The following C8orf74 variants were observed in gnomAD, a reference collection of about 807,000 sequenced individuals.
C8orf74 encodes the protein uncharacterized protein C8orf74.
A neutral mutation model predicts 22.2 loss-of-function variants in C8orf74; 29 were observed. That is an observed-to-expected ratio of 1.31 (90% CI 0.97 to 1.78). The LOEUF (loss-of-function observed/expected upper bound fraction) is 1.78. Ranked by LOEUF, C8orf74 falls within the 40% of genes most tolerant of loss-of-function variation. C8orf74 has a pLI of 0.00. For synonymous variants in C8orf74, 255 were observed against 163.1 expected, an observed-to-expected ratio of 1.56 and a Z score of -4.30; for missense variants, 515 against 369.9, an observed-to-expected ratio of 1.39 and a Z score of -3.22.
intron 2 of C8orf74, among the ~76,000 whole-genome samples, chr8:10,684,722 G>T (rs560204960): frequency 7.5e-4 from 114 of 152,300 alleles, no homozygotes; most frequent in African/African-American, 2.7e-3. Context: ...TTCTTACGTA[G>T]TTCTTAGAAA....
intron 2 of C8orf74, among the ~76,000 whole-genome samples, chr8:10,693,571 C>A (rs1056816383): frequency 3.9e-5 from 6 of 152,230 alleles, no homozygotes; most frequent in African/African-American, 1.4e-4. Context: ...CTCCTGTACA[C>A]AAATCCCAAT....
chr8:10,687,318 T>C (rs948517874), intron 2 of C8orf74: 3 of 323,566 alleles, frequency 9.3e-6, no homozygotes, highest in Middle Eastern at 4.1e-4. Context: ...AATCAATATA[T>C]GCAATGGTTT....
Position 10,678,058 on chromosome 8 carries a change from G to A in C8orf74, c.241+3220G>A, listed in dbSNP as rs182659769. On this transcript the variant is annotated intron_variant, in intron 2 of 3. Coordinates refer to ENST00000304519, the MANE Select transcript of C8orf74 (RefSeq NM_001040032.2). ...TCTCACTTTCGTATCATCTGAAAGC[G>A]TGTGAGGCATGGTTAATACAAACAT... is the stretch of plus-strand genomic sequence containing the variant. Among the ~76,000 whole-genome samples the A allele has an allele frequency of 3.7e-4, 57 of 152,270 alleles. 1 individual carries two copies. In the East Asian group the frequency reaches 0.01, roughly 28 times the overall value.
At chr8:10,690,071 T>A (rs972959877) in intron 2 of C8orf74, among the ~76,000 whole-genome samples, 1 of 152,140 alleles carries the variant, frequency 6.6e-6, no homozygotes, top group Non-Finnish European at 1.5e-5. Flanking sequence ...ATGTGACCAA[T>A]GGGGCTGGAG....
At chr8:10,681,376 C>T (rs182937002) in intron 2 of C8orf74, among the ~76,000 whole-genome samples, 296 of 152,258 alleles carry the variant, frequency 1.9e-3, no homozygotes, top group Admixed American at 4.8e-3. Flanking sequence ...CACAGAGGGG[C>T]GGGAGTCTTC....
rs1390305255 is a variant in C8orf74 at position 10,697,615 on chromosome 8, G to A, written c.258G>A (p.Glu86=). The change falls in exon 3 of 4, where the codon GAG becomes GAA. Residue 86 remains glutamate, a synonymous_variant. Transcript: ENST00000304519. Reference sequence around the variant, plus strand: ...TGCCTACAGGCTGCTCCATTACTGAGGCTGTGACGATCCTGGGGAACAAGC... The same window carrying A: ...TGCCTACAGGCTGCTCCATTACTGAAGCTGTGACGATCCTGGGGAACAAGC... The part of the protein sequence containing the change: ...LRETKGCSIT[E]AVTILGNKLR... The A allele has an allele frequency of 1.1e-5, 18 of 1,613,676 alleles. No homozygotes were observed. Among genetic ancestry groups the A allele is most frequent in the Non-Finnish European group, 1.5e-5 (18 of 1,179,806 alleles).
chr8:10,675,749 C>T (rs1273432623), intron 2 of C8orf74: 1 of 152,196 alleles, frequency 6.6e-6, no homozygotes, highest in Admixed American at 6.5e-5. Flanking sequence ...TGGCCCGAAT[C>T]TAATCAAGAG....
chr8:10,674,177 G>C (rs1489897007), intron 1 of C8orf74, among the ~76,000 whole-genome samples: 27 of 63,390 alleles, frequency 4.3e-4, no homozygotes, highest in African/African-American at 1.3e-3. Context: ...CCATATCACA[G>C]CCTGCAGCCC....
rs773207825 is a variant in C8orf74, at chr8:10,700,384, G to GC, written c.804dup (p.Ile269HisfsTer51). 2.2e-5 allele frequency: 14 copies of GC among 646,442 alleles called. No homozygotes were observed. The highest frequency in any genetic ancestry group is 3.0e-5 in the Non-Finnish European group (12 of 402,010). The allele number at this position is 646,442 out of a possible 1,614,324, so 40.0% of individuals were successfully genotyped here. ...ACCTCAACGCCCCCACCCCTATCCC[G>GC]CCCCCCATCACCAGCCACGCAGGCC... On this transcript the variant is annotated frameshift_variant, in exon 4 of 4. Transcript: ENST00000304519. LOFTEE classifies it low-confidence loss of function (END_TRUNC).
intron 2 of C8orf74, among the ~76,000 whole-genome samples, chr8:10,685,830 G>A (rs1372774962): frequency 6.6e-6 from 1 of 152,234 alleles, no homozygotes; most frequent in Non-Finnish European, 1.5e-5. Flanking sequence ...AGCACTTTGG[G>A]AGGCTGAGGC....
intron 2 of C8orf74, chr8:10,688,336 T>C (rs916576493): frequency 6.6e-6 from 1 of 152,036 alleles, no homozygotes; most frequent in African/African-American, 2.4e-5. Context: ...ATAAATGGAA[T>C]AAAAAAGACA....
At chr8:10,678,637 T>G (rs1799083685) in intron 2 of C8orf74, among the ~76,000 whole-genome samples, 1 of 146,468 alleles carries the variant, frequency 6.8e-6, no homozygotes, top group African/African-American at 2.5e-5. Context: ...GTTTCAGAAG[T>G]CAGGAGCAAG....
At chr8:10,674,920 C>A in intron 2 of C8orf74, 82 bp downstream of exon 2, 1 of 1,233,206 alleles carries the variant, frequency 8.1e-7, no homozygotes, top group Non-Finnish European at 1.1e-6. Flanking sequence ...CGTCCACAGC[C>A]CCAGCAGCCT....
At chr8:10,693,144 G>A (rs760430245) in intron 2 of C8orf74, among the ~76,000 whole-genome samples, 3 of 152,156 alleles carry the variant, frequency 2.0e-5, no homozygotes, top group Non-Finnish European at 2.9e-5. Flanking sequence ...CTCCTTGCCT[G>A]CAGATCTCCA....
intron 2 of C8orf74, among the ~76,000 whole-genome samples, chr8:10,686,178 G>T (rs1799258699): frequency 6.6e-6 from 1 of 152,204 alleles, no homozygotes; most frequent in African/African-American, 2.4e-5. Context: ...ATATTGTAGT[G>T]CTGTATATTT....
At chr8:10,687,677 A>G (rs1033894167) in intron 2 of C8orf74, among the ~76,000 whole-genome samples, 1 of 152,096 alleles carries the variant, frequency 6.6e-6, no homozygotes, top group Non-Finnish European at 1.5e-5. Flanking sequence ...CAGTGTGAAA[A>G]GATTCTGCTT....
intron 2 of C8orf74, among the ~76,000 whole-genome samples, chr8:10,696,400 C>A (rs866796521): frequency 2.0e-5 from 3 of 151,760 alleles, no homozygotes; most frequent in Admixed American, 6.6e-5. Context: ...TCAATCACTG[C>A]CTGCTCCACT....
chr8:10,694,978 G>A (rs1799459337), intron 2 of C8orf74, among the ~76,000 whole-genome samples: 1 of 151,912 alleles, frequency 6.6e-6, no homozygotes, highest in Non-Finnish European at 1.5e-5. Context: ...ACGGATGGAT[G>A]GATGGATAAG....
chr8:10,700,286 C>G lies in C8orf74; in HGVS notation c.700C>G (p.Gln234Glu). The change falls in exon 4 of 4, where the codon CAG becomes GAG. Residue 234 changes from glutamine (Q) to glutamate (E), a missense_variant. Coordinates refer to ENST00000304519, the MANE Select transcript of C8orf74 (RefSeq NM_001040032.2). ...AGTCCACACCCAGATGGAGCTCCTG[C>G]AGGAGCTGCTGCAGCGCCAGATCCA... is the stretch of plus-strand genomic sequence containing the variant. ...QAVHTQMELL[Q>E]ELLQRQIQNT... The G allele has an allele frequency of 6.2e-7, 1 of 1,613,448 alleles. No individual in the cohort carries two copies. Among genetic ancestry groups the G allele is most frequent in the Non-Finnish European group, 8.5e-7 (1 of 1,179,508 alleles).
Sources: gnomAD v4.1 joint callset for allele counts (sites outside exome capture counted in the v4.1 genomes callset) on GRCh38, gnomAD v4.1.1 for gene constraint, MANE v1.5 for transcripts, NCBI Gene and HGNC (gene_info 2026-07-23, HGNC 2026-07-21) for gene names.